The following EPHA3 variants were observed in gnomAD, a reference collection of about 807,000 sequenced individuals.
EPHA3 encodes the protein EPH receptor A3.
A neutral mutation model predicts 107.1 loss-of-function variants in EPHA3; 42 were observed. That is an observed-to-expected ratio of 0.39 (90% CI 0.31 to 0.51). The LOEUF (loss-of-function observed/expected upper bound fraction) is 0.51, where lower values mean the gene tolerates loss of function less well. Ranked by LOEUF, EPHA3 falls within the 20% of genes least tolerant of loss-of-function variation. EPHA3 has a pLI of 0.78. For missense variants in EPHA3, 1,183 were observed against 1,211.2 expected (o/e 0.98, Z 0.35); for synonymous variants, 461 against 424.8 (o/e 1.09, Z -1.05).
intron 2 of EPHA3, among the ~76,000 whole-genome samples, chr3:89,157,370 C>T (rs1704830153): frequency 6.6e-6 from 1 of 151,990 alleles, no homozygotes; most frequent in Non-Finnish European, 1.5e-5. Flanking sequence ...CCTTTATTAA[C>T]AGGCACCCCT....
intron 3 of EPHA3, among the ~76,000 whole-genome samples, chr3:89,320,642 C>A (rs1707021286): frequency 6.6e-6 from 1 of 151,634 alleles, no homozygotes; most frequent in Non-Finnish European, 1.5e-5. Flanking sequence ...TTTTTTAAAT[C>A]TTTGTTTACA....
intron 2 of EPHA3, among the ~76,000 whole-genome samples, chr3:89,193,183 T>C (rs1357384824): frequency 6.6e-6 from 1 of 152,000 alleles, no homozygotes; most frequent in African/African-American, 2.4e-5. Flanking sequence ...TATGAAATCA[T>C]TTGAGATGCC....
In EPHA3 at chr3:89,450,302, T is replaced by C. The variant is rs1224680207; in HGVS notation, c.2622T>C (p.Ile874=). The part of the protein sequence containing the change: ...DRNNRPKFEQ[I]VSILDKLIRN... ...ACAACAGACCCAAGTTTGAGCAGAT[T>C]GTTAGTATTCTGGACAAGCTTATCC... is the stretch of plus-strand genomic sequence containing the variant. The change falls in exon 15 of 17, where the codon ATT becomes ATC. Residue 874 remains isoleucine, a synonymous_variant. Coordinates refer to ENST00000336596, the MANE Select transcript of EPHA3 (RefSeq NM_005233.6). The C allele has an allele frequency of 6.2e-7, 1 of 1,613,982 alleles. No homozygotes were observed. The highest frequency in any genetic ancestry group is 8.5e-7 in the Non-Finnish European group (1 of 1,179,950).
intron 5 of EPHA3, among the ~76,000 whole-genome samples, chr3:89,354,826 C>T (rs573314795): frequency 6.6e-6 from 1 of 151,202 alleles, no homozygotes; most frequent in South Asian, 2.1e-4. Context: ...TCCAGAGCCC[C>T]TATCTACATA....
At chr3:89,447,180 CTG>C (rs1709892323) in intron 13 of EPHA3, among the ~76,000 whole-genome samples, 1 of 152,162 alleles carries the variant, frequency 6.6e-6, no homozygotes, top group Non-Finnish European at 1.5e-5. Context: ...ACGTTGCACA[CTG>C]TAGTTTATCT....
intron 3 of EPHA3, among the ~76,000 whole-genome samples, chr3:89,228,543 C>T (rs1315655378): frequency 6.6e-6 from 1 of 151,846 alleles, no homozygotes; most frequent in Admixed American, 6.6e-5. Context: ...TATACACTAT[C>T]ATATGGTATA....
intron 2 of EPHA3, among the ~76,000 whole-genome samples, chr3:89,133,824 C>A (rs1020281226): frequency 6.6e-6 from 1 of 151,922 alleles, no homozygotes; most frequent in African/African-American, 2.4e-5. Flanking sequence ...TGGATCAGAC[C>A]AGCAGCAGAC....
At chr3:89,353,409 T>C (rs1021723744) in intron 5 of EPHA3, among the ~76,000 whole-genome samples, 5 of 151,462 alleles carry the variant, frequency 3.3e-5, no homozygotes, top group African/African-American at 1.2e-4. Context: ...TCCTTCTCTT[T>C]GTTTCATTTT....
In EPHA3 at chr3:89,244,243, G is replaced by T. The variant is rs1215400182; in HGVS notation, c.814+33723G>T. On this transcript the variant is annotated intron_variant, in intron 3 of 16. Coordinates refer to ENST00000336596, the MANE Select transcript of EPHA3 (RefSeq NM_005233.6). ...ATTTTTAAGCCAATAAAATAGCTAG[G>T]TTACCAGGAATATTAATTTTTAGAA... Among the ~76,000 whole-genome samples the T allele has an allele frequency of 4.6e-5, 7 of 151,982 alleles. No individual in the cohort carries two copies. In the East Asian group the frequency reaches 1.4e-3, roughly 29 times the overall value.
chr3:89,201,697 C>T (rs547417293), intron 2 of EPHA3, among the ~76,000 whole-genome samples: 1 of 152,190 alleles, frequency 6.6e-6, no homozygotes, highest in African/African-American at 2.4e-5. Context: ...CATTTATTTC[C>T]ATGTTTAATA....
chr3:89,153,038 T>C (rs1704722098), intron 2 of EPHA3, among the ~76,000 whole-genome samples: 1 of 152,084 alleles, frequency 6.6e-6, no homozygotes, highest in Admixed American at 6.6e-5. Context: ...ATTGCTACAA[T>C]AAAGCATATT....
At chr3:89,399,527 CA>C (rs1305476889) in intron 7 of EPHA3, 47 bp downstream of exon 7, 2 of 1,597,278 alleles carry the variant, frequency 1.3e-6, no homozygotes, top group African/African-American at 2.7e-5. Context: ...AGGGATCTTG[CA>C]AAAGATGTCT....
At chr3:89,267,132 G>A (rs1275516430) in intron 3 of EPHA3, among the ~76,000 whole-genome samples, 1 of 152,026 alleles carries the variant, frequency 6.6e-6, no homozygotes. Context: ...GAGCTAGAAA[G>A]GAAATAGGAT....
intron 2 of EPHA3, among the ~76,000 whole-genome samples, chr3:89,159,609 A>G (rs796866728): frequency 2.2e-4 from 33 of 152,284 alleles, no homozygotes; most frequent in African/African-American, 7.7e-4. Context: ...AATGAAACCA[A>G]TTGGAACTAC....
intron 3 of EPHA3, among the ~76,000 whole-genome samples, chr3:89,267,971 T>A (rs149786849): frequency 2.0e-4 from 31 of 152,254 alleles, no homozygotes; most frequent in East Asian, 9.7e-4. Context: ...GATTTGAAGC[T>A]CTCTTTGCTA....
chr3:89,267,526 G>A (rs975362585), intron 3 of EPHA3, among the ~76,000 whole-genome samples: 1 of 152,082 alleles, frequency 6.6e-6, no homozygotes, highest in African/African-American at 2.4e-5. Context: ...CATTCCCCCT[G>A]GAAGCCAGGA....
chr3:89,359,770 C>CACATATATAT (rs1360186520), intron 5 of EPHA3, among the ~76,000 whole-genome samples: 2 of 139,368 alleles, frequency 1.4e-5, no homozygotes, highest in East Asian at 2.0e-4. Flanking sequence ...CATATATACA[C>CACATATATAT]ACATATATAT....
At chr3:89,264,857 T>G (rs963651505) in intron 3 of EPHA3, among the ~76,000 whole-genome samples, 1 of 152,168 alleles carries the variant, frequency 6.6e-6, no homozygotes, top group African/African-American at 2.4e-5. Context: ...CATATTGAAG[T>G]TCCAAAGAGT....
chr3:89,233,946 G>A (rs1704693551), intron 3 of EPHA3, among the ~76,000 whole-genome samples: 1 of 152,198 alleles, frequency 6.6e-6, no homozygotes, highest in African/African-American at 2.4e-5. Context: ...GTGAAGGCAG[G>A]AAGTATGACC....
Sources: gnomAD v4.1 joint callset for allele counts (sites outside exome capture counted in the v4.1 genomes callset) on GRCh38, gnomAD v4.1.1 for gene constraint, MANE v1.5 for transcripts, NCBI Gene and HGNC (gene_info 2026-07-23, HGNC 2026-07-21) for gene names.